NFIA: variants seen among roughly 807,000 people sequenced by gnomAD.
NFIA encodes nuclear factor 1 A-type.
A neutral mutation model predicts 62.8 loss-of-function variants in NFIA; 8 were observed. The ratio of observed to expected loss-of-function variants is 0.13; its 90% confidence interval spans 0.07 to 0.23. The LOEUF (loss-of-function observed/expected upper bound fraction) is 0.23. Among genes scored for constraint, NFIA ranks in the 10% least tolerant of loss-of-function variants. NFIA has a pLI of 1.00. For synonymous variants in NFIA, 235 were observed against 238.1 expected, an observed-to-expected ratio of 0.99 and a Z score of 0.12; for missense variants, 410 against 642.1, an observed-to-expected ratio of 0.64 and a Z score of 3.91.
At chr1:61,163,772 T>C (rs1649381211) in intron 2 of NFIA, among the ~76,000 whole-genome samples, 1 of 152,206 alleles carries the variant, frequency 6.6e-6, no homozygotes, top group African/African-American at 2.4e-5. Context: ...CTGCATGGTA[T>C]CTATTTTTGT....
At position 61,391,188 on chromosome 1, in the gene NFIA, G is replaced by C. The variant is rs531161657; in HGVS notation, c.1075+7823G>C. On this transcript the variant is annotated intron_variant, in intron 7 of 10. Transcript: ENST00000403491. ...GGATCCTCCTGCCTCAGCATTCCAA[G>C]TGGCTGGGACTACAGGCGCATGCCA... Among the ~76,000 whole-genome samples, 4 of 152,174 alleles carry C rather than the reference G, an allele frequency of 2.6e-5. No individual in the cohort carries two copies. The East Asian group carries it at 7.7e-4, about 29-fold the overall frequency.
intron 1 of NFIA, among the ~76,000 whole-genome samples, chr1:61,083,107 A>G (rs1184194451): frequency 6.6e-6 from 1 of 152,152 alleles, no homozygotes; most frequent in Non-Finnish European, 1.5e-5. Flanking sequence ...GCGTTAATTA[A>G]TATCGGGGCG....
intron 2 of NFIA, among the ~76,000 whole-genome samples, chr1:61,135,838 C>G (rs557845749): frequency 6.6e-6 from 1 of 152,154 alleles, no homozygotes; most frequent in Non-Finnish European, 1.5e-5. Context: ...AAGACAGTTT[C>G]GTCTATGTGC....
At chr1:61,329,765 C>T (rs545225240) in intron 3 of NFIA, among the ~76,000 whole-genome samples, 1 of 152,248 alleles carries the variant, frequency 6.6e-6, no homozygotes, top group South Asian at 2.1e-4. Flanking sequence ...ATAGTAGGTA[C>T]TCCGTAGACA....
At chr1:61,412,879 T>C (rs972166907) in intron 9 of NFIA, among the ~76,000 whole-genome samples, 2 of 152,188 alleles carry the variant, frequency 1.3e-5, no homozygotes, top group African/African-American at 4.8e-5. Context: ...CACAATTCTT[T>C]CTGGTAACTG....
intron 2 of NFIA, among the ~76,000 whole-genome samples, chr1:61,169,231 G>A (rs1301016457): frequency 1.3e-5 from 2 of 152,114 alleles, no homozygotes; most frequent in African/African-American, 4.8e-5. Context: ...AAGGTCTGAA[G>A]CCTGGTTTTT....
chr1:61,293,588 T>C (rs914041184), intron 3 of NFIA, among the ~76,000 whole-genome samples: 4 of 152,144 alleles, frequency 2.6e-5, no homozygotes, highest in Non-Finnish European at 4.4e-5. Context: ...AAATGAGAGA[T>C]GGAGATGAAA....
At chr1:61,311,040 TG>T (rs1243503556) in intron 3 of NFIA, among the ~76,000 whole-genome samples, 2 of 152,144 alleles carry the variant, frequency 1.3e-5, no homozygotes, top group African/African-American at 4.8e-5. Flanking sequence ...AATGAACTAA[TG>T]AATAGTAGGT....
chr1:61,363,784 C>T, intron 6 of NFIA, among the ~76,000 whole-genome samples: 1 of 151,970 alleles, frequency 6.6e-6, no homozygotes, highest in Middle Eastern at 3.2e-3. Flanking sequence ...ACAAAGTAAA[C>T]TATCGTTTTC....
At chr1:61,084,108 T>C (rs962200002) in intron 1 of NFIA, among the ~76,000 whole-genome samples, 1 of 152,236 alleles carries the variant, frequency 6.6e-6, no homozygotes, top group Non-Finnish European at 1.5e-5. Flanking sequence ...CATGAAGTTA[T>C]ATGCTTCACA....
chr1:61,353,487 A>G (rs1662664084), intron 5 of NFIA, among the ~76,000 whole-genome samples: 1 of 152,228 alleles, frequency 6.6e-6, no homozygotes. Context: ...CTGGACTGTG[A>G]CAACAAAGAA....
chr1:61,222,404 T>C (rs1291810982), intron 2 of NFIA, among the ~76,000 whole-genome samples: 1 of 152,132 alleles, frequency 6.6e-6, no homozygotes, highest in Non-Finnish European at 1.5e-5. Flanking sequence ...TAGCATATTT[T>C]CAACCTGTTT....
At chr1:61,208,182 G>T (rs1473578449) in intron 2 of NFIA, among the ~76,000 whole-genome samples, 1 of 151,984 alleles carries the variant, frequency 6.6e-6, no homozygotes. Context: ...ATCATCCTTT[G>T]CTTTTTCCTG....
intron 2 of NFIA, among the ~76,000 whole-genome samples, chr1:61,219,594 A>G (rs545957680): frequency 2.6e-5 from 4 of 151,852 alleles, no homozygotes; most frequent in Middle Eastern, 3.4e-3. Context: ...GGCGCCTGTA[A>G]TCTCAGCTAT....
chr1:61,373,493 C>T (rs1664002359), intron 6 of NFIA, among the ~76,000 whole-genome samples: 1 of 152,108 alleles, frequency 6.6e-6, no homozygotes, highest in Admixed American at 6.6e-5. Flanking sequence ...AGCTCCAGCA[C>T]AGGCGTATCC....
Position 61,116,110 on chromosome 1 carries a change from C to A in NFIA, c.559+27430C>A, listed in dbSNP as rs192239496. 7.3e-5 allele frequency among the ~76,000 whole-genome samples: 11 copies of A among 150,808 alleles called. No individual in the cohort carries two copies. The East Asian group carries it at 2.2e-3, about 30-fold the overall frequency. On this transcript the variant is annotated intron_variant, in intron 2 of 10. Coordinates refer to ENST00000403491, the MANE Select transcript of NFIA (RefSeq NM_001134673.4). ...ATGCTGATTTCTTGTCATCTTAGGG[C>A]TCCTCAGCTACAACAAAGTTAAATG... is the stretch of plus-strand genomic sequence containing the variant.
chr1:61,361,782 G>GA (rs1663303101), intron 6 of NFIA, among the ~76,000 whole-genome samples: 2 of 142,178 alleles, frequency 1.4e-5, no homozygotes, highest in African/African-American at 5.3e-5. Flanking sequence ...TTTGGTAAGA[G>GA]GTGTGTGTGT....
intron 7 of NFIA, among the ~76,000 whole-genome samples, chr1:61,388,248 A>G (rs535965066): frequency 6.6e-6 from 1 of 152,356 alleles, no homozygotes; most frequent in East Asian, 1.9e-4. Context: ...ATACGTTAGT[A>G]TAATTACTGT....
intron 6 of NFIA, among the ~76,000 whole-genome samples, chr1:61,382,035 C>T (rs1046790653): frequency 6.6e-6 from 1 of 152,166 alleles, no homozygotes; most frequent in Non-Finnish European, 1.5e-5. Flanking sequence ...GGGCAGAACA[C>T]AGCACATGTA....
Sources: allele counts gnomAD v4.1 joint callset (sites outside exome capture counted in the v4.1 genomes callset), GRCh38; gene constraint gnomAD v4.1.1; transcripts MANE v1.5; gene names NCBI Gene and HGNC (gene_info 2026-07-23, HGNC 2026-07-21).